The following FTO variants were observed in gnomAD, a reference collection of about 807,000 sequenced individuals.
The protein encoded by FTO is alpha-ketoglutarate-dependent dioxygenase FTO.
In FTO, 47 loss-of-function variants were observed where a neutral mutation model predicts 63.9. The ratio of observed to expected loss-of-function variants is 0.74; its 90% CI spans 0.58 to 0.94. The LOEUF (loss-of-function observed/expected upper bound fraction) is 0.94, where lower values mean the gene tolerates loss of function less well. Among genes scored for constraint, FTO ranks in the 40% least tolerant of loss-of-function variants. The pLI is 0.00. For synonymous variants in FTO, 207 were observed against 224.4 expected, an observed-to-expected ratio of 0.92 and a Z score of 0.69; for missense variants, 562 against 618.1, an observed-to-expected ratio of 0.91 and a Z score of 0.96.
At chr16:53,959,988 G>A (rs2083032428) in intron 8 of FTO, among the ~76,000 whole-genome samples, 1 of 152,128 alleles carries the variant, frequency 6.6e-6, no homozygotes, top group African/African-American at 2.4e-5. Flanking sequence ...GTAAGGATGG[G>A]AAAGCAGGTT....
At chr16:53,860,649 C>A (rs1232223083) in intron 4 of FTO, among the ~76,000 whole-genome samples, 1 of 152,032 alleles carries the variant, frequency 6.6e-6, no homozygotes, top group Non-Finnish European at 1.5e-5. Context: ...ACCACCTGAT[C>A]TTGTGAGAAC....
chr16:53,815,654 TTTTTTTTTTTTTGA>T (rs1336001633), intron 2 of FTO, among the ~76,000 whole-genome samples: 4 of 80,724 alleles, frequency 5.0e-5, no homozygotes, highest in Non-Finnish European at 1.2e-4. Flanking sequence ...TTTTTTTTTT[TTTTTTTTTTTTTGA>T]GACAGAGTCC....
intron 8 of FTO, among the ~76,000 whole-genome samples, chr16:54,083,614 C>A (rs886476033): frequency 3.9e-5 from 6 of 152,072 alleles, no homozygotes; most frequent in Non-Finnish European, 8.8e-5. Flanking sequence ...ACGGTGGATC[C>A]ATTTCCGAAG....
At chr16:53,706,465 T>TA (rs2075622914) in intron 1 of FTO, among the ~76,000 whole-genome samples, 1 of 152,180 alleles carries the variant, frequency 6.6e-6, no homozygotes, top group African/African-American at 2.4e-5. Context: ...CAACCACTGA[T>TA]ATGTTTTTTG....
At chr16:53,877,456 A>G (rs2080689904) in intron 5 of FTO, among the ~76,000 whole-genome samples, 1 of 152,246 alleles carries the variant, frequency 6.6e-6, no homozygotes, top group African/African-American at 2.4e-5. Context: ...TACATATTAT[A>G]TAATTCATTT....
intron 8 of FTO, among the ~76,000 whole-genome samples, chr16:54,110,310 A>G (rs763605658): frequency 4.6e-5 from 7 of 152,256 alleles, no homozygotes; most frequent in Non-Finnish European, 1.0e-4. Flanking sequence ...TAAATAAATA[A>G]TGAGAACATT....
intron 8 of FTO, among the ~76,000 whole-genome samples, chr16:53,995,817 T>G (rs1239653705): frequency 1.3e-5 from 2 of 152,174 alleles, no homozygotes; most frequent in African/African-American, 4.8e-5. Context: ...GTTAAGCCAG[T>G]CATCGAATTC....
chr16:54,085,415 G>A (rs759392050), intron 8 of FTO, among the ~76,000 whole-genome samples: 31 of 152,088 alleles, frequency 2.0e-4, no homozygotes, highest in East Asian at 3.9e-4. Context: ...TTACCTGTAC[G>A]TTTTTAGATT....
chr16:53,754,442 A>G (rs2076871507), intron 1 of FTO, among the ~76,000 whole-genome samples: 1 of 152,194 alleles, frequency 6.6e-6, no homozygotes, highest in Non-Finnish European at 1.5e-5. Context: ...GTTCAAGATC[A>G]GTCTGGCCAA....
intron 8 of FTO, chr16:54,063,572 T>C (rs1230202251): frequency 1.3e-5 from 2 of 152,166 alleles, no homozygotes; most frequent in Admixed American, 1.3e-4. Flanking sequence ...TGGGAAGTTA[T>C]GAAATAGATT....
chr16:53,740,535 T>C (rs1331692270), intron 1 of FTO, among the ~76,000 whole-genome samples: 2 of 152,230 alleles, frequency 1.3e-5, no homozygotes, highest in African/African-American at 2.4e-5. Context: ...TGTGTCATAA[T>C]CTTATTTTTT....
At chr16:54,077,656 G>T (rs2086035427) in intron 8 of FTO, among the ~76,000 whole-genome samples, 3 of 152,282 alleles carry the variant, frequency 2.0e-5, no homozygotes, top group South Asian at 4.1e-4. Flanking sequence ...AGTCCCCTCA[G>T]TCAGGCAGGC....
In FTO at chr16:54,059,678, A is replaced by G. The variant is rs192807786; in HGVS notation, c.1365-52084A>G. ...GCTGGAGTTGGCCGTTTCGAAGATA[A>G]TTAGATTTGATGTCAACATTTCTTT... is the stretch of plus-strand genomic sequence containing the variant. On this transcript the variant is annotated intron_variant, in intron 8 of 8. Transcript: ENST00000471389. Among the ~76,000 whole-genome samples, 13 of 152,250 alleles carry G rather than the reference A, an allele frequency of 8.5e-5. No individual in the cohort carries two copies. The East Asian group carries it at 2.3e-3, about 27-fold the overall frequency.
intron 1 of FTO, among the ~76,000 whole-genome samples, chr16:53,745,086 A>G (rs1266783444): frequency 1.3e-5 from 2 of 152,228 alleles, no homozygotes; most frequent in African/African-American, 4.8e-5. Context: ...GATATTTTTA[A>G]AGGAAAGCAA....
At chr16:54,109,900 A>G (rs2086841090) in intron 8 of FTO, among the ~76,000 whole-genome samples, 2 of 152,206 alleles carry the variant, frequency 1.3e-5, no homozygotes, top group African/African-American at 4.8e-5. Context: ...AGCCAGGATA[A>G]TGTGTGCACG....
intron 1 of FTO, among the ~76,000 whole-genome samples, chr16:53,731,757 T>TC (rs1471808150): frequency 6.6e-6 from 1 of 150,398 alleles, no homozygotes; most frequent in Non-Finnish European, 1.5e-5. Context: ...ACTTTTTTTT[T>TC]TTTTTTTTGA....
intron 1 of FTO, among the ~76,000 whole-genome samples, chr16:53,706,541 G>A (rs1259770774): frequency 6.6e-6 from 1 of 151,914 alleles, no homozygotes; most frequent in African/African-American, 2.4e-5. Context: ...TATACTTTTG[G>A]GTCTTTTTTT....
chr16:53,957,373 T>G (rs1183555088), intron 8 of FTO, among the ~76,000 whole-genome samples: 1 of 152,200 alleles, frequency 6.6e-6, no homozygotes, highest in Non-Finnish European at 1.5e-5. Context: ...TGTGTTGCTT[T>G]GAGATCTGAA....
chr16:53,730,693 G>A lies in FTO; in HGVS notation c.45+26464G>A, dbSNP rs192794086. ...GTATTTTTAGTAGAGACTTGGTTTC[G>A]CTATTATTGCCCAGGTTGGTCTTGA... On this transcript the variant is annotated intron_variant, in intron 1 of 8. Transcript: ENST00000471389. Among the ~76,000 whole-genome samples the A allele has an allele frequency of 1.6e-4, 25 of 151,812 alleles. No individual in the cohort carries two copies. In the East Asian group the frequency reaches 3.9e-3, roughly 24 times the overall value.
Sources: gnomAD v4.1 joint callset for allele counts (sites outside exome capture counted in the v4.1 genomes callset) on GRCh38, gnomAD v4.1.1 for gene constraint, MANE v1.5 for transcripts, NCBI Gene and HGNC (gene_info 2026-07-23, HGNC 2026-07-21) for gene names.